MYRIP: variants seen among roughly 807,000 people sequenced by gnomAD.
The protein encoded by MYRIP is myosin VIIA and Rab interacting protein, also known as rab effector MyRIP.
MYRIP carries 49 observed loss-of-function variants against 98.0 expected under a neutral mutation model. The ratio of observed to expected loss-of-function variants is 0.50; its 90% CI spans 0.40 to 0.63. MYRIP has a LOEUF of 0.63. Ranked by LOEUF, MYRIP falls within the 30% of genes least tolerant of loss-of-function variation. The pLI is 0.00. For missense variants in MYRIP, 1,004 were observed against 1,058.2 expected, an observed-to-expected ratio of 0.95 and a Z score of 0.71; for synonymous variants, 404 against 409.5, an observed-to-expected ratio of 0.99 and a Z score of 0.16.
rs538064518 is a variant in MYRIP at position 39,926,178 on chromosome 3, G to A, written c.110+25252G>A. Among the ~76,000 whole-genome samples, 5 of 151,914 alleles carry A rather than the reference G, an allele frequency of 3.3e-5. No individual in the cohort carries two copies. The East Asian group carries it at 9.6e-4, about 29-fold the overall frequency. ...TGTCCTTTGCCCAGCTTTTGATGGG[G>A]TTATTTGTTTTTTGCTTGTTGAATT... On this transcript the variant is annotated intron_variant, in intron 2 of 16. Coordinates refer to ENST00000302541, the MANE Select transcript of MYRIP (RefSeq NM_015460.4).
At chr3:39,874,067 T>C (rs1157325553) in intron 1 of MYRIP, among the ~76,000 whole-genome samples, 2 of 151,176 alleles carry the variant, frequency 1.3e-5, no homozygotes, top group Non-Finnish European at 3.0e-5. Flanking sequence ...CCCTTGTAAG[T>C]TGGATTCCTA....
At chr3:39,815,026 T>C (rs1940852100) in intron 1 of MYRIP, among the ~76,000 whole-genome samples, 2 of 152,240 alleles carry the variant, frequency 1.3e-5, no homozygotes, top group East Asian at 1.9e-4. Context: ...TCACATACTA[T>C]ACAATTCACT....
chr3:39,997,897 C>G (rs911550778), intron 2 of MYRIP, among the ~76,000 whole-genome samples: 3 of 152,032 alleles, frequency 2.0e-5, no homozygotes, highest in African/African-American at 7.2e-5. Flanking sequence ...AATCAATAAA[C>G]ATAATCCAGC....
chr3:40,243,767 C>T (rs7617846), intron 12 of MYRIP, among the ~76,000 whole-genome samples: 78,500 of 151,972 alleles, frequency 0.52, 21,027 homozygotes, highest in East Asian at 0.75. Context: ...CCTTATAAAC[C>T]TGTAAGTAAA....
At chr3:40,252,125 G>A (rs1953395331) in intron 16 of MYRIP, 126 bp downstream of exon 16, 3 of 731,216 alleles carry the variant, frequency 4.1e-6, no homozygotes, top group South Asian at 3.8e-5. Flanking sequence ...GTGGTCTTAT[G>A]GTCTGTTGGA....
chr3:40,139,804 T>G (rs1949856227), intron 3 of MYRIP, among the ~76,000 whole-genome samples: 1 of 152,208 alleles, frequency 6.6e-6, no homozygotes, highest in African/African-American at 2.4e-5. Flanking sequence ...GGTCTTGAAC[T>G]CCTGGATTCA....
At chr3:40,184,389 G>A (rs1454551252) in intron 9 of MYRIP, among the ~76,000 whole-genome samples, 2 of 152,082 alleles carry the variant, frequency 1.3e-5, no homozygotes, top group Non-Finnish European at 2.9e-5. Flanking sequence ...CCATATGTAG[G>A]CACTATTTTA....
At chr3:39,883,054 C>T (rs1241636476) in intron 1 of MYRIP, among the ~76,000 whole-genome samples, 1 of 152,110 alleles carries the variant, frequency 6.6e-6, no homozygotes, top group African/African-American at 2.4e-5. Context: ...TTATGGGGCA[C>T]AATGATCCAA....
chr3:39,894,141 T>A (rs1943549691), intron 1 of MYRIP, among the ~76,000 whole-genome samples: 6 of 152,250 alleles, frequency 3.9e-5, no homozygotes, highest in Admixed American at 3.9e-4. Context: ...ATTGTACTAT[T>A]CATACTATAT....
chr3:40,178,136 G>T (rs1279189665), intron 8 of MYRIP, among the ~76,000 whole-genome samples: 2 of 152,024 alleles, frequency 1.3e-5, no homozygotes, highest in Non-Finnish European at 1.5e-5. Context: ...TTTTTACTGT[G>T]GGCTCTTTGA....
chr3:39,907,391 C>T (rs1943905334), intron 2 of MYRIP, among the ~76,000 whole-genome samples: 1 of 152,132 alleles, frequency 6.6e-6, no homozygotes, highest in Admixed American at 6.5e-5. Context: ...AGATTGCAGC[C>T]ATGTGATTAG....
intron 1 of MYRIP, among the ~76,000 whole-genome samples, chr3:39,833,216 G>T (rs1249980680): frequency 6.6e-6 from 1 of 152,154 alleles, no homozygotes; most frequent in Non-Finnish European, 1.5e-5. Context: ...TGTTAGCAGT[G>T]GTTGTATTTG....
At chr3:39,918,629 T>C (rs1944230496) in intron 2 of MYRIP, among the ~76,000 whole-genome samples, 2 of 152,196 alleles carry the variant, frequency 1.3e-5, no homozygotes, top group Admixed American at 6.5e-5. Context: ...GACAGATTAA[T>C]AGGGGAAATG....
chr3:39,945,475 T>C (rs1944878588), intron 2 of MYRIP, among the ~76,000 whole-genome samples: 1 of 67,634 alleles, frequency 1.5e-5, no homozygotes, highest in African/African-American at 5.7e-5. Flanking sequence ...AGACTCCATC[T>C]CAAAAAAAAA....
intron 2 of MYRIP, among the ~76,000 whole-genome samples, chr3:40,015,777 CATT>C (rs1456688169): frequency 1.3e-5 from 2 of 152,218 alleles, no homozygotes; most frequent in Non-Finnish European, 1.5e-5. Context: ...CTTTTAAAGA[CATT>C]ATTATGATAA....
rs560485742 is a variant in MYRIP at position 39,984,862 on chromosome 3, A to G, written c.111-59188A>G. Among the ~76,000 whole-genome samples, 348 of 151,776 alleles carry G rather than the reference A, an allele frequency of 2.3e-3. 2 individuals carry two copies. The highest frequency in any genetic ancestry group is 8.1e-3 in the African/African-American group (333 of 41,280). On this transcript the variant is annotated intron_variant, in intron 2 of 16. Coordinates refer to ENST00000302541, the MANE Select transcript of MYRIP (RefSeq NM_015460.4). ...CCACCAACAGTGTGAAAGTGTTCCT[A>G]TTTCTCCACATCCTCTCCAGCACCT... is the stretch of plus-strand genomic sequence containing the variant.
intron 5 of MYRIP, among the ~76,000 whole-genome samples, chr3:40,163,712 T>G (rs1336345392): frequency 6.6e-6 from 1 of 152,152 alleles, no homozygotes; most frequent in African/African-American, 2.4e-5. Flanking sequence ...ACATTTGGAC[T>G]GAATTATACC....
chr3:40,232,775 A>G (rs1486011611), intron 11 of MYRIP: 1 of 152,206 alleles, frequency 6.6e-6, no homozygotes, highest in Non-Finnish European at 1.5e-5. Context: ...CATTGGCCCA[A>G]ATCCGGGTTG....
chr3:39,954,452 G>A (rs946662608), intron 2 of MYRIP, among the ~76,000 whole-genome samples: 1 of 152,178 alleles, frequency 6.6e-6, no homozygotes, highest in Non-Finnish European at 1.5e-5. Flanking sequence ...GCAGCTGAGG[G>A]TCCTGACTGT....
Sources: allele counts gnomAD v4.1 joint callset (sites outside exome capture counted in the v4.1 genomes callset), GRCh38; gene constraint gnomAD v4.1.1; transcripts MANE v1.5; gene names NCBI Gene and HGNC (gene_info 2026-07-23, HGNC 2026-07-21).